Variants in STAMBP observed in about 807,000 individuals in gnomAD.
STAMBP encodes the protein STAM binding protein.
Under a neutral mutation model 50.7 loss-of-function variants are expected in STAMBP, and 31 were observed. The ratio of observed to expected loss-of-function variants is 0.61; its 90% CI spans 0.46 to 0.83. The LOEUF (loss-of-function observed/expected upper bound fraction) is 0.83. STAMBP is among the 40% of genes least tolerant of loss of function. STAMBP has a pLI of 0.00. For synonymous variants in STAMBP, 211 were observed against 192.4 expected (o/e 1.10, Z -0.80); for missense variants, 472 against 518.9 (o/e 0.91, Z 0.88).
intron 7 of STAMBP, among the ~76,000 whole-genome samples, chr2:73,853,433 T>G (rs1047043278): frequency 6.6e-6 from 1 of 152,178 alleles, no homozygotes; most frequent in African/African-American, 2.4e-5. Flanking sequence ...AAACTAAATA[T>G]ATACTTTAGG....
At chr2:73,858,852 T>G (rs1677920569) in intron 7 of STAMBP, among the ~76,000 whole-genome samples, 1 of 152,216 alleles carries the variant, frequency 6.6e-6, no homozygotes, top group Admixed American at 6.5e-5. Flanking sequence ...CTTTACTTCC[T>G]TCAGAGACCA....
rs1311094879 is a variant in STAMBP at position 73,840,318 on chromosome 2, T to G, written c.204-4495T>G. Among the ~76,000 whole-genome samples, 213 of 151,822 alleles carry G rather than the reference T, an allele frequency of 1.4e-3. 1 individual carries two copies. Among genetic ancestry groups the G allele is most frequent in the African/African-American group, 4.9e-3 (204 of 41,444 alleles). On this transcript the variant is annotated intron_variant, in intron 2 of 9. Coordinates refer to ENST00000394070, the MANE Select transcript of STAMBP (RefSeq NM_213622.4). ...TGATGGACATTTAGGGGTTTGTTTT[T>G]TTTTTTTTTTTCAGTTTTTTCTACT...
intron 1 of STAMBP, among the ~76,000 whole-genome samples, chr2:73,830,347 GAA>G (rs1673746294): frequency 6.6e-6 from 1 of 152,218 alleles, no homozygotes; most frequent in Admixed American, 6.5e-5. Context: ...GGATACCACA[GAA>G]AATGTCAGTT....
chr2:73,831,080 T>A (rs1232032961), intron 2 of STAMBP, 21 bp downstream of exon 2: 2 of 1,603,278 alleles, frequency 1.2e-6, no homozygotes, highest in African/African-American at 2.7e-5. Context: ...TACAGTTTCC[T>A]TTTTCCTTTC....
At position 73,847,467 on chromosome 2, in the gene STAMBP, G is replaced by A. The variant is rs375345719; in HGVS notation, c.456G>A (p.Gln152=). 1.9e-6 allele frequency: 3 copies of A among 1,614,232 alleles called. No individual in the cohort carries two copies. Among genetic ancestry groups the A allele is most frequent in the Non-Finnish European group, 2.5e-6 (3 of 1,180,044 alleles). The change falls in exon 5 of 10, where the codon CAG becomes CAA. Residue 152 remains glutamine, a synonymous_variant. Coordinates refer to ENST00000394070, the MANE Select transcript of STAMBP (RefSeq NM_213622.4). The part of the protein sequence containing the change: ...LEKEKQRVAQ[Q]KQQQLEQEQF... ...AGGAAAAACAGAGGGTAGCACAACA[G>A]AAGCAGCAGCAATTGGAACAGGAAC...
rs1573425180 is a variant in STAMBP at position 73,865,811 on chromosome 2, A to G, written c.*3552A>G. On this transcript the variant is annotated 3_prime_UTR_variant, in exon 10 of 10. Transcript: ENST00000394070. Reference sequence around the variant, plus strand: ...TCTTCTGGACCTCTGCCCATTCAGCATACAGCTAGAGGAATCTTTGGGCAG... The same window carrying G: ...TCTTCTGGACCTCTGCCCATTCAGCGTACAGCTAGAGGAATCTTTGGGCAG... 2 of 152,224 alleles carry G rather than the reference A, an allele frequency of 1.3e-5. No homozygotes were observed. The highest frequency in any genetic ancestry group is 1.3e-4 in the Admixed American group (2 of 15,276). 9.4% of individuals were successfully genotyped at this position (152,224 alleles called of 1,614,324 possible).
intron 10 of STAMBP, among the ~76,000 whole-genome samples, chr2:73,872,249 G>A (rs946810499): frequency 1.1e-4 from 17 of 152,158 alleles, no homozygotes; most frequent in Admixed American, 7.2e-4. Context: ...CACTGAGAGT[G>A]GGGCAGCATT....
At chr2:73,830,511 T>G (rs1019092796) in intron 1 of STAMBP, among the ~76,000 whole-genome samples, 4 of 152,268 alleles carry the variant, frequency 2.6e-5, no homozygotes, top group Non-Finnish European at 5.9e-5. Context: ...TTCCCACTTT[T>G]ACAGTGCTGT....
chr2:73,831,261 A>G (rs891562011), intron 2 of STAMBP, among the ~76,000 whole-genome samples: 11 of 152,252 alleles, frequency 7.2e-5, no homozygotes, highest in Non-Finnish European at 1.5e-4. Context: ...TTTATGAGTA[A>G]GAGATTTAGT....
chr2:73,862,346 A>G lies in STAMBP; in HGVS notation c.*87A>G. 8.0e-7 allele frequency: 1 copy of G among 1,253,268 alleles called. No individual in the cohort carries two copies. Among genetic ancestry groups the G allele is most frequent in the South Asian group, 1.6e-5 (1 of 62,026 alleles). The allele number at this position is 1,253,268 out of a possible 1,614,324, so 77.6% of individuals were successfully genotyped here. ...ATTTAAGCTTTCTAGAAAGCTTTGGAAGTTTTTGTAGATAGTAGAAAGGGG... is the reference window on the plus strand; with the variant it reads ...ATTTAAGCTTTCTAGAAAGCTTTGGGAGTTTTTGTAGATAGTAGAAAGGGG... On this transcript the variant is annotated 3_prime_UTR_variant, in exon 10 of 10. Coordinates refer to ENST00000394070, the MANE Select transcript of STAMBP (RefSeq NM_213622.4).
intron 2 of STAMBP, 87 bp from the exon 3 acceptor site, chr2:73,844,726 G>T: frequency 1.8e-6 from 2 of 1,099,704 alleles, no homozygotes; most frequent in Non-Finnish European, 2.7e-6. Flanking sequence ...TCATATAAGG[G>T]CTTCAGGATA....
intron 6 of STAMBP, among the ~76,000 whole-genome samples, chr2:73,849,730 T>A (rs1334116171): frequency 6.6e-6 from 1 of 152,160 alleles, no homozygotes; most frequent in East Asian, 1.9e-4. Context: ...GAAGATCCAG[T>A]CATTATCTAC....
chr2:73,868,431 C>T (rs1183247629), downstream of STAMBP, among the ~76,000 whole-genome samples: 2 of 151,842 alleles, frequency 1.3e-5, no homozygotes, highest in Non-Finnish European at 2.9e-5. Flanking sequence ...GATTTTTGTC[C>T]CTAGAATGTA....
chr2:73,854,887 G>C (rs1677346836), intron 7 of STAMBP, among the ~76,000 whole-genome samples: 1 of 152,176 alleles, frequency 6.6e-6, no homozygotes, highest in South Asian at 2.1e-4. Flanking sequence ...TACTTGGGAG[G>C]CTGAGGCAGG....
At chr2:73,834,601 G>A (rs950590802) in intron 2 of STAMBP, among the ~76,000 whole-genome samples, 6 of 151,984 alleles carry the variant, frequency 3.9e-5, no homozygotes, top group Admixed American at 6.6e-5. Context: ...AAGTAAATCC[G>A]TGTATAAATG....
chr2:73,857,243 T>C (rs1052385868), intron 7 of STAMBP, among the ~76,000 whole-genome samples: 2 of 152,170 alleles, frequency 1.3e-5, no homozygotes, highest in Non-Finnish European at 2.9e-5. Context: ...GATGTCTTGA[T>C]GCCTTCTCGC....
chr2:73,865,961 C>T lies in STAMBP; in HGVS notation c.*3702C>T, dbSNP rs189004641. 3 of 152,340 alleles carry T rather than the reference C, an allele frequency of 2.0e-5. No individual in the cohort carries two copies. The highest frequency in any genetic ancestry group is 3.4e-3 in the Middle Eastern group (1 of 294). The allele number at this position is 152,340 out of a possible 1,614,324, so 9.4% of individuals were successfully genotyped here. A position where few individuals can be genotyped will look rare whatever the true frequency, so the allele number is the denominator to read the frequency against. ...AATTTCTACTCATTCTCCCTAAGACCCAGAGCAGACCCAGGACCTAAAGAA... is the reference window on the plus strand; with the variant it reads ...AATTTCTACTCATTCTCCCTAAGACTCAGAGCAGACCCAGGACCTAAAGAA... On this transcript the variant is annotated 3_prime_UTR_variant, in exon 10 of 10. Transcript: ENST00000394070.
Position 73,845,200 on chromosome 2 carries a change from G to T in STAMBP, c.313G>T (p.Glu105Ter). ...LKEIAFPKAE[E>*]LKAELLKRYT... ...GGAGATTGCATTTCCCAAAGCAGAAGAGCTGAAGGCAGAGCTGTTAAAACG... is the reference window on the plus strand; with the variant it reads ...GGAGATTGCATTTCCCAAAGCAGAATAGCTGAAGGCAGAGCTGTTAAAACG... The change falls in exon 4 of 10, where the codon GAG (glutamate) becomes TAG (stop). Residue 105 changes from glutamate (E) to a stop codon, truncating the protein, a stop_gained. Transcript: ENST00000394070. LOFTEE classifies it high-confidence loss of function. 6.2e-7 allele frequency: 1 copy of T among 1,614,072 alleles called. No individual in the cohort carries two copies. The highest frequency in any genetic ancestry group is 8.5e-7 in the Non-Finnish European group (1 of 1,179,966).
intron 9 of STAMBP, 59 bp downstream of exon 9, chr2:73,860,210 C>T (rs1004211355): frequency 7.2e-7 from 1 of 1,388,474 alleles, no homozygotes; most frequent in Non-Finnish European, 1.0e-6. Flanking sequence ...ACAGTCAGAG[C>T]TGATGAAATG....
Sources: gnomAD v4.1 joint callset for allele counts (sites outside exome capture counted in the v4.1 genomes callset) on GRCh38, gnomAD v4.1.1 for gene constraint, MANE v1.5 for transcripts, NCBI Gene and HGNC (gene_info 2026-07-23, HGNC 2026-07-21) for gene names.